The following CALCR variants were observed in gnomAD, a reference collection of about 807,000 sequenced individuals.
CALCR encodes the protein calcitonin receptor.
In CALCR, 47 loss-of-function variants were observed where a neutral mutation model predicts 59.5. The observed-to-expected ratio is 0.79, with a 90% CI of 0.63 to 1.01. The LOEUF (loss-of-function observed/expected upper bound fraction) is 1.01. CALCR is among the 50% of genes least tolerant of loss of function. The pLI, the probability that CALCR is intolerant of heterozygous loss-of-function variation, is 0.00. For synonymous variants in CALCR, 213 were observed against 211.3 expected, an observed-to-expected ratio of 1.01 and a Z score of -0.07; for missense variants, 566 against 597.1, an observed-to-expected ratio of 0.95 and a Z score of 0.54.
chr7:93,443,982 C>T (rs558278405), intron 8 of CALCR, among the ~76,000 whole-genome samples: 19 of 152,124 alleles, frequency 1.2e-4, no homozygotes, highest in Non-Finnish European at 2.1e-4. Flanking sequence ...AAAACTAGTC[C>T]ACAAAATGTT....
intron 9 of CALCR, among the ~76,000 whole-genome samples, chr7:93,440,660 C>G (rs1799882577): frequency 3.3e-5 from 5 of 151,944 alleles, no homozygotes; most frequent in Admixed American, 3.3e-4. Context: ...TACGGAAGTG[C>G]AAATCCCTCT....
chr7:93,527,617 T>G (rs1027277591), intron 2 of CALCR, among the ~76,000 whole-genome samples: 5 of 152,138 alleles, frequency 3.3e-5, no homozygotes, highest in African/African-American at 1.2e-4. Flanking sequence ...TTTTAGCAAA[T>G]AACTGACTGG....
chr7:93,521,194 A>G (rs1361089873), intron 2 of CALCR, among the ~76,000 whole-genome samples: 3 of 152,094 alleles, frequency 2.0e-5, no homozygotes, highest in Non-Finnish European at 2.9e-5. Context: ...CAGAGTTCCA[A>G]CTGATTGATT....
At chr7:93,454,580 T>C (rs561488168) in intron 8 of CALCR, among the ~76,000 whole-genome samples, 96 of 151,858 alleles carry the variant, frequency 6.3e-4, no homozygotes, top group Non-Finnish European at 1.3e-3. Context: ...GCCTCCTGAC[T>C]TTCTACATGA....
intron 2 of CALCR, among the ~76,000 whole-genome samples, chr7:93,538,895 A>G (rs187027524): frequency 2.0e-5 from 3 of 152,224 alleles, no homozygotes; most frequent in African/African-American, 7.2e-5. Flanking sequence ...TAGAATCTGT[A>G]TTTTAACAAA....
intron 2 of CALCR, among the ~76,000 whole-genome samples, chr7:93,489,863 T>C (rs1801034663): frequency 6.6e-6 from 1 of 151,932 alleles, no homozygotes; most frequent in South Asian, 2.1e-4. Context: ...CTTCTGAAAC[T>C]ATTCTGAAGA....
At chr7:93,498,831 T>C (rs1801263935) in intron 2 of CALCR, among the ~76,000 whole-genome samples, 1 of 151,706 alleles carries the variant, frequency 6.6e-6, no homozygotes, top group African/African-American at 2.4e-5. Context: ...TCTTCTATTT[T>C]GAGAAACTGA....
At chr7:93,486,402 T>C (rs571243423) in intron 3 of CALCR, among the ~76,000 whole-genome samples, 2 of 151,694 alleles carry the variant, frequency 1.3e-5, no homozygotes, top group South Asian at 4.2e-4. Flanking sequence ...GAAAGAGTTA[T>C]AGAATAATAG....
At chr7:93,470,778 A>C (rs1273945745) in intron 6 of CALCR, among the ~76,000 whole-genome samples, 2 of 149,182 alleles carry the variant, frequency 1.3e-5, no homozygotes, top group African/African-American at 4.9e-5. Flanking sequence ...ATTTTATTTT[A>C]TTGTTAATTA....
At chr7:93,454,916 T>TTGTGTGTGTGTGTGTGTG (rs4015273) in intron 8 of CALCR, among the ~76,000 whole-genome samples, 4 of 144,916 alleles carry the variant, frequency 2.8e-5, no homozygotes, top group African/African-American at 1.0e-4. Context: ...ACAGGGCATT[T>TTGTGTGTGTGTGTGTGTG]TGTGTGTGTG....
At chr7:93,433,789 G>A (rs2115680186) in intron 13 of CALCR, among the ~76,000 whole-genome samples, 1 of 152,286 alleles carries the variant, frequency 6.6e-6, no homozygotes, top group East Asian at 1.9e-4. Context: ...GATTATTTGA[G>A]AATCCTTTTT....
At chr7:93,450,630 C>A (rs1241184622) in intron 8 of CALCR, among the ~76,000 whole-genome samples, 1 of 151,952 alleles carries the variant, frequency 6.6e-6, no homozygotes, top group African/African-American at 2.4e-5. Flanking sequence ...ACCAAGGGAA[C>A]TCTACTCACA....
intron 2 of CALCR, among the ~76,000 whole-genome samples, chr7:93,532,838 CAAAAAAAAAAAAAA>C (rs57128008): frequency 4.2e-5 from 4 of 95,718 alleles, no homozygotes; most frequent in Non-Finnish European, 7.8e-5. Context: ...ATGTCCAAAG[CAAAAAAAAAAAAAA>C]AAAAAAAAAA....
chr7:93,427,935 G>C (rs551570649), intron 13 of CALCR, among the ~76,000 whole-genome samples: 1 of 152,246 alleles, frequency 6.6e-6, no homozygotes, highest in Admixed American at 6.5e-5. Flanking sequence ...ATGGCAATCA[G>C]AATTATTTAG....
At chr7:93,573,491 G>A (rs1320611891) in intron 2 of CALCR, among the ~76,000 whole-genome samples, 1 of 152,130 alleles carries the variant, frequency 6.6e-6, no homozygotes, top group Non-Finnish European at 1.5e-5. Flanking sequence ...GAAACCCTGC[G>A]TTCTCTTCTT....
intron 7 of CALCR, among the ~76,000 whole-genome samples, chr7:93,468,173 T>C (rs1349451406): frequency 6.6e-6 from 1 of 151,826 alleles, no homozygotes; most frequent in Non-Finnish European, 1.5e-5. Flanking sequence ...GTATGTTTTC[T>C]CATATTTTGC....
chr7:93,459,793 G>A (rs1800279381), intron 8 of CALCR, among the ~76,000 whole-genome samples: 1 of 152,090 alleles, frequency 6.6e-6, no homozygotes, highest in South Asian at 2.1e-4. Flanking sequence ...ACAACTCTCA[G>A]GACAATTCTG....
At chr7:93,559,405 T>C (rs1464239179) in intron 2 of CALCR, 1 of 152,042 alleles carries the variant, frequency 6.6e-6, no homozygotes, top group East Asian at 1.9e-4. Context: ...TATTAAAAAG[T>C]GACTTTCACA....
In CALCR at chr7:93,479,402, A is replaced by T. The variant is rs1324348832; in HGVS notation, c.157T>A (p.Tyr53Asn). The change falls in exon 4 of 14, where the codon TAC becomes AAC. Residue 53 changes from tyrosine (Y) to asparagine (N), a missense_variant. By Grantham distance (143) the Tyr-to-Asn change is moderately radical. Coordinates refer to ENST00000426151, the MANE Select transcript of CALCR (RefSeq NM_001742.4). The part of the protein sequence containing the change: ...VGRKKMMDAQ[Y>N]KCYDRMQQLP... ...TGCTGCATTCGGTCATAGCATTTGTACTGTGCATCCATCATCTTCTTTCGT... is the reference window on the plus strand; with the variant it reads ...TGCTGCATTCGGTCATAGCATTTGTTCTGTGCATCCATCATCTTCTTTCGT... 6.2e-7 allele frequency: 1 copy of T among 1,612,388 alleles called. No individual in the cohort carries two copies. Among genetic ancestry groups the T allele is most frequent in the African/African-American group, 1.3e-5 (1 of 74,760 alleles).
Sources: allele counts gnomAD v4.1 joint callset (sites outside exome capture counted in the v4.1 genomes callset), GRCh38; gene constraint gnomAD v4.1.1; transcripts MANE v1.5; gene names NCBI Gene and HGNC (gene_info 2026-07-23, HGNC 2026-07-21).